Variants in VLDLR observed in about 807,000 individuals in gnomAD.
VLDLR encodes the protein very low density lipoprotein receptor, also known as very low-density lipoprotein receptor.
VLDLR carries 81 observed loss-of-function variants against 112.7 expected under a neutral mutation model. The observed-to-expected ratio is 0.72, with a 90% CI of 0.60 to 0.86. VLDLR has a LOEUF of 0.86. Among genes scored for constraint, VLDLR ranks in the 40% least tolerant of loss-of-function variants. The pLI is 0.00. For synonymous variants in VLDLR, 436 were observed against 384.8 expected (o/e 1.13, Z -1.56); for missense variants, 1,237 against 1,099.4 (o/e 1.13, Z -1.77).
rs376884814 is a variant in VLDLR at position 2,650,663 on chromosome 9, T to C, written c.2251+147T>C. ...TGCTATTGTATGCCGGGTTATCATG[T>C]CATTTCTTTAGAACTGACTTTAACC... On this transcript the variant is annotated intron_variant, in intron 15 of 18. Transcript: ENST00000382100. The C allele has an allele frequency of 5.7e-6, 7 of 1,237,852 alleles. No individual in the cohort carries two copies. The African/African-American group carries it at 1.0e-4, about 18-fold the overall frequency. The allele number at this position is 1,237,852 out of a possible 1,614,324, so 76.7% of individuals were successfully genotyped here.
intron 1 of VLDLR, among the ~76,000 whole-genome samples, chr9:2,623,289 A>C (rs1816923464): frequency 6.6e-6 from 1 of 152,208 alleles, no homozygotes; most frequent in Non-Finnish European, 1.5e-5. Flanking sequence ...TTTCCTGGAC[A>C]GGCGACAGGA....
chr9:2,643,782 G>C, intron 6 of VLDLR, 32 bp downstream of exon 6: 1 of 1,614,200 alleles, frequency 6.2e-7, no homozygotes, highest in Non-Finnish European at 8.5e-7. Context: ...TTAAGCAATG[G>C]ATTGCTCTGA....
chr9:2,633,090 T>C (rs534729601), intron 1 of VLDLR, among the ~76,000 whole-genome samples: 5 of 98,052 alleles, frequency 5.1e-5, no homozygotes, highest in Non-Finnish European at 8.4e-5. Context: ...GTGTGTGTGG[T>C]TGAGAGAGAG....
Position 2,651,455 on chromosome 9 carries a change from G to T in VLDLR, c.2292G>T (p.Thr764=). Residue 764 remains threonine (T), a synonymous_variant, in exon 16 of 19, where the codon ACG becomes ACT. Coordinates refer to ENST00000382100, the MANE Select transcript of VLDLR (RefSeq NM_003383.5). ...TGACTTACAGTGAGACAAAAGATAC[G>T]AACACAACAGAAATTTCAGCAACTA... The part of the protein sequence containing the change: ...TTVTYSETKD[T]NTTEISATSG... The T allele has an allele frequency of 6.2e-7, 1 of 1,613,870 alleles. No individual in the cohort carries two copies. The highest frequency in any genetic ancestry group is 8.5e-7 in the Non-Finnish European group (1 of 1,179,930).
chr9:2,623,594 C>T (rs1260859898), intron 1 of VLDLR, among the ~76,000 whole-genome samples: 2 of 152,372 alleles, frequency 1.3e-5, no homozygotes, highest in Admixed American at 1.3e-4. Flanking sequence ...TTGGTTGCCA[C>T]TGTCCGGAGC....
intron 16 of VLDLR, 129 bp downstream of exon 16, chr9:2,651,627 C>T (rs1402869155): frequency 1.0e-6 from 1 of 956,906 alleles, no homozygotes; most frequent in African/African-American, 1.7e-5. Flanking sequence ...ATTTAAACAC[C>T]AAAGACTTAA....
chr9:2,627,766 G>A (rs1402098026), intron 1 of VLDLR, among the ~76,000 whole-genome samples: 1 of 151,664 alleles, frequency 6.6e-6, no homozygotes, highest in Non-Finnish European at 1.5e-5. Context: ...TCAGGAGGCT[G>A]AGGCAGGAGA....
Position 2,651,893 on chromosome 9 carries a change from A to G in VLDLR, c.2355A>G (p.Ala785=). Residue 785 remains alanine (A), a synonymous_variant, in exon 17 of 19, where the codon GCA becomes GCG. Transcript: ENST00000382100. ...LVPGGINVTT[A]VSEVSVPPKG... ...CTGTAGGGATCAATGTGACCACAGC[A>G]GTATCAGAGGTCAGTGTTCCCCCAA... is the stretch of plus-strand genomic sequence containing the variant. The G allele has an allele frequency of 6.2e-7, 1 of 1,614,118 alleles. No homozygotes were observed. Among genetic ancestry groups the G allele is most frequent in the Non-Finnish European group, 8.5e-7 (1 of 1,179,962 alleles).
chr9:2,643,616 C>T lies in VLDLR; in HGVS notation c.821-12C>T. Reference sequence around the variant, plus strand: ...TGCTGGCTTCATTCCATGGTGTTTCCTCCCTTTGTAGCCTCTCGAACTTGC... The same window carrying T: ...TGCTGGCTTCATTCCATGGTGTTTCTTCCCTTTGTAGCCTCTCGAACTTGC... On this transcript the variant is annotated splice_polypyrimidine_tract_variant and intron_variant, in intron 5 of 18. Transcript: ENST00000382100. 6.2e-7 allele frequency: 1 copy of T among 1,614,168 alleles called. No homozygotes were observed. Among genetic ancestry groups the T allele is most frequent in the South Asian group, 1.1e-5 (1 of 91,078 alleles).
rs537726588 is a variant in VLDLR, at chr9:2,650,653, G to C, written c.2251+137G>C. The stretch of plus-strand genomic sequence containing the variant: ...AGAAGATATCTGCTATTGTATGCCG[G>C]GTTATCATGTCATTTCTTTAGAACT... On this transcript the variant is annotated intron_variant, in intron 15 of 18. Coordinates refer to ENST00000382100, the MANE Select transcript of VLDLR (RefSeq NM_003383.5). 4.0e-5 allele frequency: 51 copies of C among 1,264,946 alleles called. No homozygotes were observed. The Admixed American group carries it at 1.0e-3, about 25-fold the overall frequency. 78.4% of individuals were successfully genotyped at this position (1,264,946 alleles called of 1,614,324 possible).
rs1375676194 is a variant in VLDLR, at chr9:2,655,897, G to C, written c.*2029G>C. ...TTAGCATTCATCATGAACTCTGAAA[G>C]CCATTTCAGAGTTTGGCTGCTGCTC... On this transcript the variant is annotated 3_prime_UTR_variant, in exon 19 of 19. Coordinates refer to ENST00000382100, the MANE Select transcript of VLDLR (RefSeq NM_003383.5). The C allele has an allele frequency of 6.6e-6, 1 of 151,982 alleles. No homozygotes were observed. Among genetic ancestry groups the C allele is most frequent in the Non-Finnish European group, 1.5e-5 (1 of 67,982 alleles). 9.4% of individuals were successfully genotyped at this position (151,982 alleles called of 1,614,324 possible).
rs1817906282 is a variant in VLDLR at position 2,643,255 on chromosome 9, G to A, written c.544G>A (p.Gly182Ser). The A allele has an allele frequency of 6.2e-7, 1 of 1,614,132 alleles. No individual in the cohort carries two copies. Among genetic ancestry groups the A allele is most frequent in the African/African-American group, 1.3e-5 (1 of 75,044 alleles). Residue 182 changes from glycine (G) to serine (S), a missense_variant, in exon 5 of 19, where the codon GGC (glycine) becomes AGC (serine). Coordinates refer to ENST00000382100, the MANE Select transcript of VLDLR (RefSeq NM_003383.5). ...CAATGGCCAGGATGACTGCAGCGAT[G>A]GCAGTGATGAGCTGGACTGTGCCCC... ...VCNGQDDCSD[G>S]SDELDCAPPT...
At position 2,647,485 on chromosome 9, in the gene VLDLR, G is replaced by A; in HGVS notation, c.1715G>A (p.Trp572Ter). The change falls in exon 12 of 19, where the codon TGG (tryptophan) becomes TAG (stop). Residue 572 changes from tryptophan to a stop codon, truncating the protein, a stop_gained. Transcript: ENST00000382100. LOFTEE classifies it high-confidence loss of function. The stretch of plus-strand genomic sequence containing the variant: ...TTAATTTTTCACAGCTTTGTTTACT[G>A]GTCAGACTGGGGTGAACCAGCTAAA... ...AVDPLSGFVY[W>*]SDWGEPAKIE... The A allele has an allele frequency of 6.2e-7, 1 of 1,613,854 alleles. No homozygotes were observed. The highest frequency in any genetic ancestry group is 8.5e-7 in the Non-Finnish European group (1 of 1,179,794).
chr9:2,638,019 C>A (rs1817673158), intron 2 of VLDLR, among the ~76,000 whole-genome samples: 1 of 152,186 alleles, frequency 6.6e-6, no homozygotes, highest in Non-Finnish European at 1.5e-5. Flanking sequence ...TTCCGCTACT[C>A]CCTCTTTTGT....
chr9:2,651,846 T>C (rs778193576), intron 16 of VLDLR, 28 bp from the exon 17 acceptor site: 6 of 1,613,522 alleles, frequency 3.7e-6, no homozygotes, highest in Non-Finnish European at 5.1e-6. Flanking sequence ...CAGATCCTTC[T>C]AAACTGATTC....
chr9:2,653,500 A>C (rs547411728), intron 18 of VLDLR, among the ~76,000 whole-genome samples: 31 of 152,312 alleles, frequency 2.0e-4, no homozygotes, highest in African/African-American at 7.2e-4. Context: ...ACAAGTATTG[A>C]TCACTCCCCT....
At chr9:2,628,062 T>C (rs1817173255) in intron 1 of VLDLR, among the ~76,000 whole-genome samples, 1 of 152,072 alleles carries the variant, frequency 6.6e-6, no homozygotes, top group Non-Finnish European at 1.5e-5. Flanking sequence ...GCTTTATTAG[T>C]AAACTAATAA....
At chr9:2,640,540 C>T (rs1478066468) in intron 3 of VLDLR, among the ~76,000 whole-genome samples, 5 of 152,038 alleles carry the variant, frequency 3.3e-5, no homozygotes, top group Non-Finnish European at 7.4e-5. Flanking sequence ...ATACCTGTGT[C>T]CTTAGGAAAA....
At chr9:2,647,770 C>A in intron 12 of VLDLR, 178 bp downstream of exon 12, 1 of 690,258 alleles carries the variant, frequency 1.4e-6, no homozygotes, top group Non-Finnish European at 2.6e-6. Context: ...ACAAATTACA[C>A]ATTCCATAAT....
Sources: allele counts gnomAD v4.1 joint callset (sites outside exome capture counted in the v4.1 genomes callset), GRCh38; gene constraint gnomAD v4.1.1; transcripts MANE v1.5; gene names NCBI Gene and HGNC (gene_info 2026-07-23, HGNC 2026-07-21).